Variants in DAO observed in about 807,000 individuals in gnomAD.
DAO encodes the protein D-amino acid oxidase.
Under a neutral mutation model 50.1 loss-of-function variants are expected in DAO, and 51 were observed. That is an observed-to-expected ratio of 1.02 (90% CI 0.81 to 1.29). DAO has a LOEUF of 1.29. DAO is among the 50% of genes most tolerant of loss of function. The pLI is 0.00. For synonymous variants in DAO, 160 were observed against 166.2 expected, an observed-to-expected ratio of 0.96 and a Z score of 0.29; for missense variants, 436 against 439.4, an observed-to-expected ratio of 0.99 and a Z score of 0.07.
chr12:108,897,404 G>C (rs1274776119), intron 8 of DAO, among the ~76,000 whole-genome samples: 1 of 151,990 alleles, frequency 6.6e-6, no homozygotes, highest in Non-Finnish European at 1.5e-5. Flanking sequence ...TTTTAGTAGA[G>C]ACAGGGTTTC....
Position 108,900,603 on chromosome 12 carries a change from C to T in DAO, c.*68C>T. 2 of 1,586,574 alleles carry T rather than the reference C, an allele frequency of 1.3e-6. No individual in the cohort carries two copies. The highest frequency in any genetic ancestry group is 1.7e-6 in the Non-Finnish European group (2 of 1,159,340). Reference sequence around the variant, plus strand: ...TCCCCTCAGCCAATGAATCAATGTGCTCCTTCATAAGCCATTGCTTCTCCC... The same window carrying T: ...TCCCCTCAGCCAATGAATCAATGTGTTCCTTCATAAGCCATTGCTTCTCCC... On this transcript the variant is annotated 3_prime_UTR_variant, in exon 11 of 11. Coordinates refer to ENST00000228476, the MANE Select transcript of DAO (RefSeq NM_001917.5).
intron 9 of DAO, 96 bp from the exon 10 acceptor site, chr12:108,899,281 G>A: frequency 1.3e-6 from 1 of 776,048 alleles, no homozygotes; most frequent in African/African-American, 1.7e-5. Flanking sequence ...ATTAGTGGTG[G>A]TGGTGATGAG....
rs2039589243 is a variant in DAO at position 108,898,723 on chromosome 12, G to A, written c.740G>A (p.Trp247Ter). ...TLGGIFQLGN[W>*]SELNNIQDHN... ...GGAGGCATCTTCCAGTTGGGAAACT[G>A]GAGTGAACTAAACAATATCCAGGAC... Residue 247 changes from tryptophan to a stop codon, truncating the protein, a stop_gained, in exon 9 of 11, where the codon TGG (tryptophan) becomes TAG (stop). Coordinates refer to ENST00000228476, the MANE Select transcript of DAO (RefSeq NM_001917.5). LOFTEE classifies it high-confidence loss of function. 6.2e-7 allele frequency: 1 copy of A among 1,613,922 alleles called. No homozygotes were observed. The highest frequency in any genetic ancestry group is 1.3e-5 in the African/African-American group (1 of 74,880).
chr12:108,890,409 T>A, intron 5 of DAO, 136 bp downstream of exon 5: 1 of 715,336 alleles, frequency 1.4e-6, no homozygotes, highest in Non-Finnish European at 2.5e-6. Context: ...GTGGGAGCTA[T>A]CCTTGGTCCT....
intron 5 of DAO, among the ~76,000 whole-genome samples, chr12:108,892,141 T>G (rs2039497957): frequency 6.6e-6 from 1 of 150,816 alleles, no homozygotes; most frequent in South Asian, 2.1e-4. Flanking sequence ...ATGTTTCTAG[T>G]GTATTTCTTT....
chr12:108,882,948 G>A (rs1301267054), intron 1 of DAO, among the ~76,000 whole-genome samples: 2 of 152,078 alleles, frequency 1.3e-5, no homozygotes, highest in Non-Finnish European at 2.9e-5. Flanking sequence ...AGGAATTGGA[G>A]GTGGCAGTGA....
intron 2 of DAO, among the ~76,000 whole-genome samples, chr12:108,885,434 C>T (rs1253999990): frequency 6.6e-6 from 1 of 152,054 alleles, no homozygotes; most frequent in Non-Finnish European, 1.5e-5. Flanking sequence ...CGTGGTGAAA[C>T]CCCATCTCTA....
Position 108,894,349 on chromosome 12 carries a change from C to T in DAO, c.594C>T (p.Gly198=). ...AACGAGACCCCCTGCTGCAGCCAGG[C>T]CGGGGGCAGATCATGAAGGTGAGTG... ...ALQRDPLLQP[G]RGQIMKVDAP... is the part of the protein sequence containing the mutation. The change falls in exon 7 of 11, where the codon GGC becomes GGT. Residue 198 remains glycine (G), a synonymous_variant. Coordinates refer to ENST00000228476, the MANE Select transcript of DAO (RefSeq NM_001917.5). 6.2e-7 allele frequency: 1 copy of T among 1,613,724 alleles called. No homozygotes were observed. Among genetic ancestry groups the T allele is most frequent in the Non-Finnish European group, 8.5e-7 (1 of 1,179,772 alleles).
chr12:108,896,977 G>C, intron 7 of DAO, 29 bp from the exon 8 acceptor site: 1 of 1,578,640 alleles, frequency 6.3e-7, no homozygotes, highest in Non-Finnish European at 8.7e-7. Context: ...CACCTCCGCT[G>C]ATGAGACTTT....
At chr12:108,897,785 A>G (rs754888252) in intron 8 of DAO, among the ~76,000 whole-genome samples, 2 of 152,020 alleles carry the variant, frequency 1.3e-5, no homozygotes, top group Admixed American at 6.6e-5. Flanking sequence ...CCGTCTCTAC[A>G]AAAATACAAA....
chr12:108,889,528 T>C lies in DAO; in HGVS notation c.369T>C (p.Asp123=). ...GGAAGCTGACCCCCAGAGAGCTGGA[T>C]ATGTTCCCAGATTACGGGTGAGTTT... The part of the protein sequence containing the change: ...GFRKLTPREL[D]MFPDYGYGWF... Residue 123 remains aspartate, a synonymous_variant, in exon 4 of 11, where the codon GAT becomes GAC. Coordinates refer to ENST00000228476, the MANE Select transcript of DAO (RefSeq NM_001917.5). The C allele has an allele frequency of 1.2e-6, 2 of 1,612,742 alleles. No homozygotes were observed. Among genetic ancestry groups the C allele is most frequent in the Non-Finnish European group, 1.7e-6 (2 of 1,179,114 alleles).
intron 7 of DAO, among the ~76,000 whole-genome samples, chr12:108,896,419 C>CAAAAAAAAAAAAAAAAAAA (rs386377704): frequency 5.5e-4 from 33 of 59,536 alleles, no homozygotes; most frequent in African/African-American, 1.5e-3. Context: ...GAGGCTGTCT[C>CAAAAAAAAAAAAAAAAAAA]AAAAAAAAAA....
At chr12:108,884,368 G>C (rs1348623481) in intron 1 of DAO, among the ~76,000 whole-genome samples, 3 of 152,216 alleles carry the variant, frequency 2.0e-5, no homozygotes, top group African/African-American at 4.8e-5. Flanking sequence ...AGACGGGACT[G>C]ATAACAGCAG....
At chr12:108,894,479 C>A in intron 7 of DAO, 112 bp downstream of exon 7, 1 of 907,280 alleles carries the variant, frequency 1.1e-6, no homozygotes, top group Non-Finnish European at 1.8e-6. Flanking sequence ...GAGGAACCCC[C>A]CGGACTGCAG....
In DAO at chr12:108,897,094, AT is replaced by A. The variant is rs1253395047; in HGVS notation, c.695+8del. On this transcript the variant is annotated splice_region_variant and intron_variant, in intron 8 of 10. Coordinates refer to ENST00000228476, the MANE Select transcript of DAO (RefSeq NM_001917.5). ...TCCCCGTACATCATCCCAGGGTAAA[AT>A]TGGACTGTTCTCGGGCAGAAGAGTG... The A allele has an allele frequency of 2.5e-6, 4 of 1,609,090 alleles. No individual in the cohort carries two copies. Among genetic ancestry groups the A allele is most frequent in the Non-Finnish European group, 3.4e-6 (4 of 1,175,504 alleles).
Position 108,887,456 on chromosome 12 carries a change from G to A in DAO, c.201G>A (p.Trp67Ter), listed in dbSNP as rs762485600. ...SDPNNPQEADWSQQTFDYLLS... is the reference protein window; with the variant it reads ...SDPNNPQEAD ...CTCTTCATGACCCTTCCAGGGACTG[G>A]AGCCAACAGACCTTTGACTATCTCC... The change falls in exon 3 of 11, where the codon TGG becomes TGA. Residue 67 changes from tryptophan (W) to a stop codon, truncating the protein, a stop_gained. Transcript: ENST00000228476. LOFTEE classifies it high-confidence loss of function. The A allele has an allele frequency of 6.2e-7, 1 of 1,613,566 alleles. No homozygotes were observed. The highest frequency in any genetic ancestry group is 2.2e-5 in the East Asian group (1 of 44,862).
intron 1 of DAO, among the ~76,000 whole-genome samples, chr12:108,881,162 T>TCACACACACACACACACACACA (rs66697500): frequency 5.7e-4 from 79 of 139,318 alleles, no homozygotes; most frequent in African/African-American, 1.9e-3. Flanking sequence ...GACATTCTAA[T>TCACACACACACACACACACACA]CACACACACA....
chr12:108,880,962 G>A (rs867341084), intron 1 of DAO, among the ~76,000 whole-genome samples: 2 of 152,066 alleles, frequency 1.3e-5, no homozygotes, highest in South Asian at 2.1e-4. Flanking sequence ...TACTGACTGC[G>A]TAACCTTGGG....
At position 108,894,244 on chromosome 12, in the gene DAO, C is replaced by G. The variant is rs1176460526; in HGVS notation, c.508-19C>G. 5.6e-6 allele frequency: 9 copies of G among 1,598,946 alleles called. No homozygotes were observed. The East Asian group carries it at 2.0e-4, about 36-fold the overall frequency. On this transcript the variant is annotated intron_variant, in intron 6 of 10. Coordinates refer to ENST00000228476, the MANE Select transcript of DAO (RefSeq NM_001917.5). ...CTTCCCCACCTTTCATCCCCCACTA[C>G]CCTGTTGGTTGCTACCAGGTGGCAA...
Sources: gnomAD v4.1 joint callset for allele counts (sites outside exome capture counted in the v4.1 genomes callset) on GRCh38, gnomAD v4.1.1 for gene constraint, MANE v1.5 for transcripts, NCBI Gene and HGNC (gene_info 2026-07-23, HGNC 2026-07-21) for gene names.